TMEM138: variants seen among roughly 807,000 people sequenced by gnomAD.
TMEM138 encodes the protein transmembrane protein 138.
A neutral mutation model predicts 18.1 loss-of-function variants in TMEM138; 9 were observed. The ratio of observed to expected loss-of-function variants is 0.50; its 90% CI spans 0.30 to 0.87. TMEM138 has a LOEUF of 0.87. TMEM138 is among the 40% of genes least tolerant of loss of function. The probability of loss-of-function intolerance (pLI) is 0.06; values close to 1 mark genes in which losing one functional copy is unlikely to be tolerated. For synonymous variants in TMEM138, 79 were observed against 74.8 expected (o/e 1.06, Z -0.29); for missense variants, 189 against 190.6 (o/e 0.99, Z 0.05).
chr11:61,373,280 T>A (rs914815817), downstream of TMEM138, among the ~76,000 whole-genome samples: 2 of 152,164 alleles, frequency 1.3e-5, no homozygotes, highest in African/African-American at 4.8e-5. Context: ...TAAGTTCAGT[T>A]TCCCTATAAA....
At chr11:61,368,371 G>A (rs1009747525) in intron 4 of TMEM138, 28 of 511,948 alleles carry the variant, frequency 5.5e-5, no homozygotes, top group African/African-American at 3.5e-4. Flanking sequence ...GACTACAGGC[G>A]CCCGCCACCA....
downstream of TMEM138, among the ~76,000 whole-genome samples, chr11:61,373,000 T>C (rs1858384570): frequency 6.6e-6 from 1 of 152,156 alleles, no homozygotes; most frequent in Non-Finnish European, 1.5e-5. Context: ...TCTGTTTATC[T>C]GTCTATATGC....
At chr11:61,367,360 TGTCAC>T (rs1858190986) in intron 3 of TMEM138, 2 of 144,304 alleles carry the variant, frequency 1.4e-5, no homozygotes, top group African/African-American at 2.9e-5. Flanking sequence ...GTTCTCTAGT[TGTCAC>T]TTCATTATTA....
At chr11:61,362,455 C>G (rs1190431246) in intron 1 of TMEM138, 35 bp downstream of exon 1, 1 of 152,270 alleles carries the variant, frequency 6.6e-6, no homozygotes, top group Non-Finnish European at 1.5e-5. Context: ...GTTAAGTGAC[C>G]AGAAGTCAGA....
downstream of TMEM138, among the ~76,000 whole-genome samples, chr11:61,372,901 A>G (rs1858382392): frequency 6.6e-6 from 1 of 152,096 alleles, no homozygotes; most frequent in Admixed American, 6.6e-5. Context: ...AAAGCCAAAA[A>G]CTTTTATATA....
intron 3 of TMEM138, chr11:61,367,663 C>A (rs1015192567): frequency 1.9e-5 from 8 of 416,618 alleles, no homozygotes; most frequent in African/African-American, 1.4e-4. Context: ...ATGAATATAT[C>A]ATTTCTCCTT....
chr11:61,372,466 C>T (rs1359730386), downstream of TMEM138, among the ~76,000 whole-genome samples: 4 of 139,558 alleles, frequency 2.9e-5, no homozygotes, highest in African/African-American at 8.2e-5. Flanking sequence ...CGTGCCCAGC[C>T]GGAAAACATT....
chr11:61,366,713 G>C (rs999354584), intron 3 of TMEM138: 1 of 152,532 alleles, frequency 6.6e-6, no homozygotes, highest in Non-Finnish European at 1.5e-5. Context: ...TGATCCTCCT[G>C]CCTCGGCCTC....
chr11:61,366,404 C>T (rs779025169), intron 3 of TMEM138, 188 bp downstream of exon 3: 1 of 586,538 alleles, frequency 1.7e-6, no homozygotes, highest in Non-Finnish European at 2.8e-6. Flanking sequence ...AGTCACTGTG[C>T]CCGGCCTGAA....
chr11:61,366,445 G>A, intron 3 of TMEM138: 1 of 451,934 alleles, frequency 2.2e-6, no homozygotes, highest in Non-Finnish European at 3.8e-6. Context: ...AAAGGGCTAG[G>A]AATAACTTTT....
rs780552816 is a variant in TMEM138 at position 61,366,450 on chromosome 11, ACTTTT to A, written c.300+255_300+259del. 4.6e-3 allele frequency: 2,062 copies of A among 445,964 alleles called. 2 individuals are homozygous for A. The highest frequency in any genetic ancestry group is 6.5e-3 in the Non-Finnish European group (1,662 of 256,626). The allele number at this position is 445,964 out of a possible 1,614,324, so 27.6% of individuals were successfully genotyped here. On this transcript the variant is annotated intron_variant, in intron 3 of 4. Coordinates refer to ENST00000278826, the MANE Select transcript of TMEM138 (RefSeq NM_016464.5). The stretch of plus-strand genomic sequence containing the variant: ...CTGAATCGCTAAAGGGCTAGGAATA[ACTTTT>A]CTTTTCTTTTCTTTTCTTTTTTTTT...
intron 3 of TMEM138, 80 bp from the exon 4 acceptor site, chr11:61,367,843 G>T: frequency 1.2e-6 from 1 of 834,664 alleles, no homozygotes; most frequent in Non-Finnish European, 2.1e-6. Flanking sequence ...AAAGCAACTG[G>T]CATCTCTGCA....
Position 61,369,342 on chromosome 11 carries a change from T to C in TMEM138, c.*633T>C, listed in dbSNP as rs1383541693. 6.6e-6 allele frequency: 1 copy of C among 152,588 alleles called. No individual in the cohort carries two copies. The highest frequency in any genetic ancestry group is 1.5e-5 in the Non-Finnish European group (1 of 68,356). 9.5% of individuals were successfully genotyped at this position (152,588 alleles called of 1,614,324 possible). On this transcript the variant is annotated 3_prime_UTR_variant, in exon 5 of 5. Coordinates refer to ENST00000278826, the MANE Select transcript of TMEM138 (RefSeq NM_016464.5). ...TACAGATCTTTGTTGAGATCCATTA[T>C]GAGTACAAAGTATTTTAGCAGAAAT...
At chr11:61,369,918 G>A (rs1858291921), downstream of TMEM138, among the ~76,000 whole-genome samples, 1 of 152,180 alleles carries the variant, frequency 6.6e-6, no homozygotes, top group Non-Finnish European at 1.5e-5. Flanking sequence ...TGTTGATCAA[G>A]GCAAGTCACG....
downstream of TMEM138, among the ~76,000 whole-genome samples, chr11:61,372,467 G>T (rs1406569189): frequency 6.8e-6 from 1 of 146,068 alleles, no homozygotes; most frequent in African/African-American, 2.6e-5. Flanking sequence ...GTGCCCAGCC[G>T]GAAAACATTC....
intron 3 of TMEM138, chr11:61,366,471 CTTTTT>C: frequency 3.4e-5 from 9 of 261,202 alleles, no homozygotes; most frequent in Non-Finnish European, 3.6e-5. Flanking sequence ...CTTTTCTTTT[CTTTTT>C]TTTTTTTTTT....
chr11:61,365,445 C>T (rs1858110269), intron 2 of TMEM138, among the ~76,000 whole-genome samples: 2 of 151,948 alleles, frequency 1.3e-5, no homozygotes, highest in South Asian at 4.2e-4. Context: ...CCACACCCAG[C>T]TACTTTTTGT....
rs745468928 is a variant in TMEM138 at position 61,366,026 on chromosome 11, CTTT to C, written c.129-13_129-11del. Reference sequence around the variant, plus strand: ...CTCACACAGGCCTTCATTGGTTGTACTTTTTTTTATGTCTACAGCATCCAGGAT... The same window carrying C: ...CTCACACAGGCCTTCATTGGTTGTACTTTTTATGTCTACAGCATCCAGGAT... On this transcript the variant is annotated splice_polypyrimidine_tract_variant and intron_variant, in intron 2 of 4. Transcript: ENST00000278826. 6.2e-7 allele frequency: 1 copy of C among 1,603,150 alleles called. No homozygotes were observed. Among genetic ancestry groups the C allele is most frequent in the Non-Finnish European group, 8.5e-7 (1 of 1,174,474 alleles).
At chr11:61,364,978 G>A (rs775087278) in intron 2 of TMEM138, among the ~76,000 whole-genome samples, 50 of 151,560 alleles carry the variant, frequency 3.3e-4, no homozygotes, top group Non-Finnish European at 6.6e-4. Flanking sequence ...ACCTGAGGTC[G>A]GGAATTCGGG....
Sources: allele counts gnomAD v4.1 joint callset (sites outside exome capture counted in the v4.1 genomes callset), GRCh38; gene constraint gnomAD v4.1.1; transcripts MANE v1.5; gene names NCBI Gene and HGNC (gene_info 2026-07-23, HGNC 2026-07-21).